The following SBNO2 variants were observed in gnomAD, a reference collection of about 807,000 sequenced individuals.
SBNO2 encodes strawberry notch homolog 2, also known as protein strawberry notch homolog 2.
SBNO2 carries 89 observed loss-of-function variants against 146.3 expected under a neutral mutation model. That is an observed-to-expected ratio of 0.61 (90% confidence interval 0.51 to 0.73). SBNO2 has a LOEUF of 0.73. Among genes scored for constraint, SBNO2 ranks in the 30% least tolerant of loss-of-function variants. SBNO2 has a pLI of 0.00. For synonymous variants in SBNO2, 1,147 were observed against 892.6 expected (o/e 1.29, Z -5.08); for missense variants, 2,092 against 2,003.7 (o/e 1.04, Z -0.84).
In SBNO2 at chr19:1,147,277, C is replaced by G. The variant is rs770417955; in HGVS notation, c.279+32G>C. 5.5e-6 allele frequency: 8 copies of G among 1,449,924 alleles called. No homozygotes were observed. The East Asian group carries it at 9.8e-5, about 18-fold the overall frequency. 89.8% of individuals were successfully genotyped at this position (1,449,924 alleles called of 1,614,324 possible). Reference sequence around the variant, plus strand: ...GGGCGGCCCAGACTCCACCCTGCCCCCCACGGCGCGGTGAGCTCCTGGGGC... The same window carrying G: ...GGGCGGCCCAGACTCCACCCTGCCCGCCACGGCGCGGTGAGCTCCTGGGGC... On this transcript the variant is annotated intron_variant, in intron 4 of 31. Transcript: ENST00000361757.
At chr19:1,163,835 C>G (rs547955888) in intron 1 of SBNO2, among the ~76,000 whole-genome samples, 40 of 152,228 alleles carry the variant, frequency 2.6e-4, no homozygotes, top group Non-Finnish European at 2.9e-5. Context: ...GGGTCCAGGG[C>G]GAGCAAGTTC....
chr19:1,119,672 CGCG>C (rs1568571702), intron 12 of SBNO2, 51 bp from the exon 13 acceptor site: 22 of 1,477,682 alleles, frequency 1.5e-5, no homozygotes, highest in Non-Finnish European at 2.0e-5. Flanking sequence ...GCCCAGAGGC[CGCG>C]TCAGGGGACG....
In SBNO2 at chr19:1,117,464, G is replaced by A. The variant is rs61738611; in HGVS notation, c.1563C>T (p.Ala521=). ...AEALNVFQQA[A]DWIGLESRKS... is the part of the protein sequence containing the mutation. Reference sequence around the variant, plus strand: ...TGCGCGACTCCAGGCCGATCCAGTCGGCCGCCTGCTGGAACACGTTCAGGG... The same window carrying A: ...TGCGCGACTCCAGGCCGATCCAGTCAGCCGCCTGCTGGAACACGTTCAGGG... The change falls in exon 15 of 32, where the codon GCC becomes GCT. Residue 521 remains alanine, a synonymous_variant. Coordinates refer to ENST00000361757, the MANE Select transcript of SBNO2 (RefSeq NM_014963.3). The A allele has an allele frequency of 3.6e-5, 57 of 1,587,824 alleles. No individual in the cohort carries two copies. In the African/African-American group the frequency reaches 5.0e-4, roughly 14 times the overall value.
chr19:1,131,096 G>A (rs1356425520), intron 4 of SBNO2, among the ~76,000 whole-genome samples: 1 of 152,148 alleles, frequency 6.6e-6, no homozygotes, highest in Non-Finnish European at 1.5e-5. Context: ...ACTCCTAGCA[G>A]CCACCAGCTC....
Position 1,112,721 on chromosome 19 carries a change from T to A in SBNO2, c.2379+97A>T. On this transcript the variant is annotated intron_variant, in intron 20 of 31. Transcript: ENST00000361757. This position sits in a 1 kb window ranked among gnomAD's most constrained non-coding sequence, Gnocchi z 5.9. ...GCGCCCGCACCTGGCACACACACAC[T>A]CCAGAAGTGCGCGGGTCCACAGTCC... 1 of 1,470,530 alleles carries A rather than the reference T, an allele frequency of 6.8e-7. No homozygotes were observed. Among genetic ancestry groups the A allele is most frequent in the Non-Finnish European group, 9.0e-7 (1 of 1,108,134 alleles). The allele number at this position is 1,470,530 out of a possible 1,614,324, so 91.1% of individuals were successfully genotyped here. A position where few individuals can be genotyped will look rare whatever the true frequency, so the allele number is the denominator to read the frequency against.
chr19:1,113,434 A>T (rs1278344393), intron 19 of SBNO2, 101 bp downstream of exon 19: 8 of 1,059,290 alleles, frequency 7.6e-6, no homozygotes, highest in African/African-American at 1.7e-5. Context: ...GGAGACGCAG[A>T]GTGACCAGCA....
At position 1,121,291 on chromosome 19, in the gene SBNO2, C is replaced by T. The variant is rs187760580; in HGVS notation, c.1149+848G>A. ...AATTAAACGGCCGGCCCTGCCGCCA[C>T]GTAGCAGCTCAGCGAGGTATGATCT... On this transcript the variant is annotated intron_variant, in intron 11 of 31. Coordinates refer to ENST00000361757, the MANE Select transcript of SBNO2 (RefSeq NM_014963.3). Among the ~76,000 whole-genome samples, 73 of 152,332 alleles carry T rather than the reference C, an allele frequency of 4.8e-4. 1 individual carries two copies. Among genetic ancestry groups the T allele is most frequent in the African/African-American group, 1.6e-3 (68 of 41,580 alleles).
intron 13 of SBNO2, 46 bp downstream of exon 13, chr19:1,119,470 T>C (rs1462491354): frequency 1.5e-6 from 2 of 1,333,096 alleles, no homozygotes; most frequent in South Asian, 1.3e-5. Context: ...TGAGGCCTCC[T>C]CCCCACCCCC....
intron 4 of SBNO2, 95 bp from the exon 5 acceptor site, chr19:1,127,860 C>A: frequency 8.7e-7 from 1 of 1,151,860 alleles, no homozygotes. Flanking sequence ...CACCACGGCC[C>A]TCCACACACT....
intron 2 of SBNO2, among the ~76,000 whole-genome samples, chr19:1,151,241 A>G (rs1042233611): frequency 2.0e-5 from 3 of 150,638 alleles, no homozygotes; most frequent in African/African-American, 4.9e-5. Flanking sequence ...TCAGGCACAC[A>G]CGGCGCCTTG....
intron 1 of SBNO2, among the ~76,000 whole-genome samples, chr19:1,164,896 G>A (rs1317626920): frequency 1.5e-5 from 2 of 136,740 alleles, no homozygotes; most frequent in African/African-American, 2.7e-5. Context: ...AACAGGAGGA[G>A]GAGGAGGAGG....
Position 1,113,827 on chromosome 19 carries a change from G to A in SBNO2, c.2078-123C>T, listed in dbSNP as rs966906490. The A allele has an allele frequency of 2.9e-5, 37 of 1,278,476 alleles. No homozygotes were observed. In the African/African-American group the frequency reaches 4.9e-4, roughly 17 times the overall value. 79.2% of individuals were successfully genotyped at this position (1,278,476 alleles called of 1,614,324 possible). A position where few individuals can be genotyped will look rare whatever the true frequency, so the allele number is the denominator to read the frequency against. On this transcript the variant is annotated intron_variant, in intron 18 of 31. Coordinates refer to ENST00000361757, the MANE Select transcript of SBNO2 (RefSeq NM_014963.3). ...CGGGGCAACCCTGAGGGACGGCAGGGTGGCGGGGAAGCCCGGCACCGTGGC... is the reference window on the plus strand; with the variant it reads ...CGGGGCAACCCTGAGGGACGGCAGGATGGCGGGGAAGCCCGGCACCGTGGC...
chr19:1,116,245 T>C, intron 16 of SBNO2, 142 bp from the exon 17 acceptor site: 1 of 693,480 alleles, frequency 1.4e-6, no homozygotes. Context: ...CTGTGTGGAG[T>C]GGGCTGGGGA....
chr19:1,110,958 G>C lies in SBNO2; in HGVS notation c.2884+61C>G. On this transcript the variant is annotated intron_variant, in intron 25 of 31. Coordinates refer to ENST00000361757, the MANE Select transcript of SBNO2 (RefSeq NM_014963.3). This position sits in a 1 kb window ranked among gnomAD's most constrained non-coding sequence, Gnocchi z 4.9. ...TCTCCCTGCTTTGCTCACCACCCGA[G>C]GCCAAGGTTGCATGAGATGAGAGAC... is the stretch of plus-strand genomic sequence containing the variant. 1 of 1,610,700 alleles carries C rather than the reference G, an allele frequency of 6.2e-7. No homozygotes were observed. The highest frequency in any genetic ancestry group is 8.5e-7 in the Non-Finnish European group (1 of 1,177,838).
intron 1 of SBNO2, among the ~76,000 whole-genome samples, chr19:1,164,611 G>C (rs563759567): frequency 2.0e-5 from 3 of 146,436 alleles, no homozygotes; most frequent in Non-Finnish European, 4.6e-5. Context: ...GACAGGAGGA[G>C]GAGGAGGAGG....
chr19:1,157,456 C>A lies in SBNO2; in HGVS notation c.-126-3054G>T, dbSNP rs945078939. On this transcript the variant is annotated intron_variant, in intron 1 of 31. Transcript: ENST00000361757. The surrounding 1 kb of genome is among the most constrained non-coding windows in gnomAD (Gnocchi z 6.8). Reference sequence around the variant, plus strand: ...GCGGCCCCGGTGACACGGCCCACCCCGAGCCTCAGAGCCACGGGCCAGCCA... The same window carrying A: ...GCGGCCCCGGTGACACGGCCCACCCAGAGCCTCAGAGCCACGGGCCAGCCA... Among the ~76,000 whole-genome samples, 2 of 148,946 alleles carry A rather than the reference C, an allele frequency of 1.3e-5. No individual in the cohort carries two copies. The highest frequency in any genetic ancestry group is 3.0e-5 in the Non-Finnish European group (2 of 66,978).
chr19:1,168,661 A>T (rs1375602774), intron 1 of SBNO2: 3 of 152,338 alleles, frequency 2.0e-5, no homozygotes, highest in African/African-American at 7.2e-5. Context: ...CGGCGAGCGC[A>T]GCAGACCCCA....
At chr19:1,149,536 T>A (rs2080223734) in intron 2 of SBNO2, 94 bp from the exon 3 acceptor site, 4 of 1,186,162 alleles carry the variant, frequency 3.4e-6, no homozygotes, top group Non-Finnish European at 3.6e-6. Context: ...GCCGAGAGGC[T>A]AGGGAGGCCC....
In SBNO2 at chr19:1,136,556, A is replaced by C. The variant is rs2080086307; in HGVS notation, c.280-8791T>G. Among the ~76,000 whole-genome samples the C allele has an allele frequency of 6.6e-6, 1 of 152,226 alleles. No homozygotes were observed. The highest frequency in any genetic ancestry group is 1.5e-5 in the Non-Finnish European group (1 of 68,036). On this transcript the variant is annotated intron_variant, in intron 4 of 31. Transcript: ENST00000361757. The surrounding 1 kb of genome is among the most constrained non-coding windows in gnomAD (Gnocchi z 4.2). ...GGGGGCTGTGGCCTCAGCACAGACC[A>C]GGGGACAGAAGGTGGCTCTTCTTGG...
Sources: allele counts gnomAD v4.1 joint callset (sites outside exome capture counted in the v4.1 genomes callset), GRCh38; gene constraint gnomAD v4.1.1; non-coding constraint Gnocchi (gnomAD v3.1); transcripts MANE v1.5; gene names NCBI Gene and HGNC (gene_info 2026-07-23, HGNC 2026-07-21).